Variants in PSD2 observed in about 807,000 individuals in gnomAD.
PSD2 encodes the protein PH and SEC7 domain-containing protein 2.
In PSD2, 38 loss-of-function variants were observed where a neutral mutation model predicts 69.8. The ratio of observed to expected loss-of-function variants is 0.54; its 90% CI spans 0.42 to 0.71. PSD2 has a LOEUF of 0.71. Ranked by LOEUF, PSD2 falls within the 30% of genes least tolerant of loss-of-function variation. PSD2 has a pLI of 0.00. For missense variants in PSD2, 943 were observed against 1,014.5 expected (o/e 0.93, Z 0.96); for synonymous variants, 412 against 423.0 (o/e 0.97, Z 0.32).
intron 1 of PSD2, among the ~76,000 whole-genome samples, chr5:139,799,543 A>G (rs1177342579): frequency 6.6e-6 from 1 of 152,140 alleles, no homozygotes; most frequent in African/African-American, 2.4e-5. Context: ...GCACTTCAAA[A>G]CCACTGAAGG....
chr5:139,749,143 A>G, the PSD2 span, among the ~76,000 whole-genome samples: 1 of 152,134 alleles, frequency 6.6e-6, no homozygotes, highest in Non-Finnish European at 1.5e-5. Flanking sequence ...CCTGACCTGT[A>G]GGGCACCCTC....
the PSD2 span, among the ~76,000 whole-genome samples, chr5:139,787,901 A>G: frequency 6.6e-6 from 1 of 152,198 alleles, no homozygotes; most frequent in African/African-American, 2.4e-5. Context: ...AGTTGAGGAA[A>G]TACCCGGGTT....
At chr5:139,790,259 G>C in the PSD2 span, among the ~76,000 whole-genome samples, 1 of 152,112 alleles carries the variant, frequency 6.6e-6, no homozygotes, top group Non-Finnish European at 1.5e-5. Context: ...ACGGCAAAGA[G>C]GAAGAGGAGG....
At chr5:139,810,099 T>C (rs116451060) in intron 2 of PSD2, among the ~76,000 whole-genome samples, 1,814 of 152,164 alleles carry the variant, frequency 0.012, 37 homozygotes, top group African/African-American at 0.042. Context: ...AGCTGGGCAT[T>C]CGATTTCCAA....
chr5:139,797,325 A>C (rs551854006), intron 1 of PSD2, among the ~76,000 whole-genome samples: 7 of 152,352 alleles, frequency 4.6e-5, no homozygotes, highest in Admixed American at 1.3e-4. Context: ...CAGAGCCCCC[A>C]AAAGATTCCC....
intron 5 of PSD2, among the ~76,000 whole-genome samples, chr5:139,818,129 C>T (rs568890144): frequency 2.8e-4 from 42 of 152,202 alleles, no homozygotes; most frequent in African/African-American, 9.6e-4. Context: ...TGGCAGGGGC[C>T]AGCTGGGCAG....
intron 1 of PSD2, among the ~76,000 whole-genome samples, chr5:139,805,022 T>C (rs534818166): frequency 1.4e-4 from 20 of 144,634 alleles, no homozygotes; most frequent in African/African-American, 4.3e-4. Context: ...AGTGTGTGCG[T>C]GTGTGTGTAT....
chr5:139,786,868 A>G, the PSD2 span, among the ~76,000 whole-genome samples: 1 of 152,204 alleles, frequency 6.6e-6, no homozygotes, highest in African/African-American at 2.4e-5. Flanking sequence ...GCACTGGGCT[A>G]CAGATGTGGA....
chr5:139,825,013 G>A (rs1294454723), intron 7 of PSD2, among the ~76,000 whole-genome samples: 1 of 152,202 alleles, frequency 6.6e-6, no homozygotes, highest in Non-Finnish European at 1.5e-5. Context: ...GAACTGGGGA[G>A]GATTTGTGTA....
chr5:139,809,580 G>C lies in PSD2; in HGVS notation c.140G>C (p.Gly47Ala). ...EGLNSSLCSPGHERRGTPADT... is the reference protein window; with the variant it reads ...EGLNSSLCSPAHERRGTPADT... ...CTGAACAGCAGCCTCTGCAGCCCAG[G>C]GCACGAGCGAAGGGGCACCCCAGCG... is the stretch of plus-strand genomic sequence containing the variant. The change falls in exon 2 of 15, where the codon GGG becomes GCG. Residue 47 changes from glycine (G) to alanine (A), a missense_variant. This residue lies in a region of PSD2 where 466 missense variants were observed against 445.0 expected (regional missense o/e 1.05). Coordinates refer to ENST00000274710, the MANE Select transcript of PSD2 (RefSeq NM_032289.4). 6.2e-7 allele frequency: 1 copy of C among 1,614,190 alleles called. No individual in the cohort carries two copies. The highest frequency in any genetic ancestry group is 1.3e-5 in the African/African-American group (1 of 75,076).
chr5:139,770,172 A>T, the PSD2 span, among the ~76,000 whole-genome samples: 1 of 152,168 alleles, frequency 6.6e-6, no homozygotes. Flanking sequence ...TCTACAACTG[A>T]GTAAGAGGAA....
intron 8 of PSD2, among the ~76,000 whole-genome samples, chr5:139,835,318 C>T (rs565082195): frequency 6.6e-6 from 1 of 152,130 alleles, no homozygotes; most frequent in East Asian, 1.9e-4. Flanking sequence ...CCCCACCCAT[C>T]CTTCCATCTT....
the PSD2 span, among the ~76,000 whole-genome samples, chr5:139,769,299 G>C: frequency 6.6e-6 from 1 of 152,012 alleles, no homozygotes; most frequent in South Asian, 2.1e-4. Flanking sequence ...AGAGGAGGAC[G>C]GGCCTCAGGC....
At chr5:139,840,308 C>A in intron 14 of PSD2, 138 bp downstream of exon 14, 2 of 957,184 alleles carry the variant, frequency 2.1e-6, no homozygotes, top group East Asian at 5.3e-5. Flanking sequence ...GAACAGGGTC[C>A]CCTGACCTTT....
chr5:139,822,711 C>T lies in PSD2; in HGVS notation c.1211-15C>T, dbSNP rs1581726920. ...TTGGATCCTCGCACTGAGAGTGCCA[C>T]CATCTCTGACTCAGATGGGATCCAC... is the stretch of plus-strand genomic sequence containing the variant. On this transcript the variant is annotated splice_polypyrimidine_tract_variant and intron_variant, in intron 6 of 14. Coordinates refer to ENST00000274710, the MANE Select transcript of PSD2 (RefSeq NM_032289.4). The T allele has an allele frequency of 1.2e-6, 2 of 1,606,670 alleles. No homozygotes were observed. The highest frequency in any genetic ancestry group is 2.3e-5 in the East Asian group (1 of 44,392).
intron 1 of PSD2, among the ~76,000 whole-genome samples, chr5:139,802,131 G>A (rs1031428012): frequency 6.6e-6 from 1 of 151,438 alleles, no homozygotes; most frequent in African/African-American, 2.4e-5. Flanking sequence ...GAGAGGAAGG[G>A]AGGACTCGCC....
chr5:139,817,326 G>T (rs1269215067), intron 4 of PSD2, among the ~76,000 whole-genome samples, 155 bp from the exon 5 acceptor site: 1 of 141,758 alleles, frequency 7.1e-6, no homozygotes, highest in Non-Finnish European at 1.6e-5. Context: ...CAAGACCAAG[G>T]TTGAATGTTA....
At chr5:139,813,793 C>T (rs376990624) in intron 3 of PSD2, 35 bp downstream of exon 3, 2 of 1,541,464 alleles carry the variant, frequency 1.3e-6, no homozygotes, top group Non-Finnish European at 8.8e-7. Flanking sequence ...AACCACCGAG[C>T]AGATGGGGAA....
chr5:139,744,364 C>T, the PSD2 span, among the ~76,000 whole-genome samples: 1 of 152,172 alleles, frequency 6.6e-6, no homozygotes, highest in Non-Finnish European at 1.5e-5. Flanking sequence ...GGGGGAAGTC[C>T]TGCCTGTCCC....
Sources: gnomAD v4.1 joint callset for allele counts (sites outside exome capture counted in the v4.1 genomes callset) on GRCh38, gnomAD v4.1.1 for gene constraint, gnomAD v4.1.1 regional missense constraint, MANE v1.5 for transcripts, NCBI Gene and HGNC (gene_info 2026-07-23, HGNC 2026-07-21) for gene names.